The following RAPGEF4 variants were observed in gnomAD, a reference collection of about 807,000 sequenced individuals.
RAPGEF4 encodes Rap guanine nucleotide exchange factor 4, also known as RAP guanine-nucleotide-exchange factor (GEF) 4.
A neutral mutation model predicts 147.9 loss-of-function variants in RAPGEF4; 66 were observed. That is an observed-to-expected ratio of 0.45 (90% CI 0.37 to 0.55). RAPGEF4 has a LOEUF of 0.55. Among genes scored for constraint, RAPGEF4 ranks in the 20% least tolerant of loss-of-function variants. The pLI, the probability that RAPGEF4 is intolerant of heterozygous loss-of-function variation, is 0.00. For missense variants in RAPGEF4, 1,071 were observed against 1,257.3 expected (o/e 0.85, Z 2.24); for synonymous variants, 419 against 442.7 (o/e 0.95, Z 0.67).
chr2:172,972,373 G>A (rs773739560), intron 10 of RAPGEF4, among the ~76,000 whole-genome samples: 19 of 152,322 alleles, frequency 1.2e-4, no homozygotes, highest in Non-Finnish European at 2.1e-4. Flanking sequence ...ATTGGTGGTG[G>A]TTAGGGTTTT....
intron 6 of RAPGEF4, 28 bp from the exon 7 acceptor site, chr2:172,960,732 T>C (rs1386687017): frequency 2.2e-5 from 34 of 1,557,258 alleles, no homozygotes; most frequent in Non-Finnish European, 2.7e-5. Context: ...TGTTTAATTT[T>C]CTTTTGCTTT....
At chr2:173,026,261 A>G (rs1346743297) in intron 23 of RAPGEF4, among the ~76,000 whole-genome samples, 1 of 152,240 alleles carries the variant, frequency 6.6e-6, no homozygotes, top group African/African-American at 2.4e-5. Flanking sequence ...AGGGAAAAGA[A>G]GAGTTTCCAG....
intron 10 of RAPGEF4, among the ~76,000 whole-genome samples, chr2:172,968,863 T>A (rs1690152112): frequency 6.6e-6 from 1 of 152,156 alleles, no homozygotes; most frequent in South Asian, 2.1e-4. Context: ...TTAAGCCATG[T>A]TTTCTTTCTT....
At chr2:173,025,319 T>C (rs1489234841) in intron 23 of RAPGEF4, among the ~76,000 whole-genome samples, 1 of 152,232 alleles carries the variant, frequency 6.6e-6, no homozygotes, top group African/African-American at 2.4e-5. Flanking sequence ...GTGCCCAGAA[T>C]GCAGTGGGAG....
chr2:172,935,517 C>CA (rs917586843), intron 6 of RAPGEF4, among the ~76,000 whole-genome samples: 6 of 150,040 alleles, frequency 4.0e-5, no homozygotes, highest in Admixed American at 1.3e-4. Flanking sequence ...CGCTGACTGC[C>CA]AAAAAAAAAC....
At chr2:172,830,259 G>T (rs185926874) in intron 4 of RAPGEF4, among the ~76,000 whole-genome samples, 1 of 152,154 alleles carries the variant, frequency 6.6e-6, no homozygotes, top group East Asian at 1.9e-4. Context: ...TTGCAGTGAA[G>T]AAGAAATTAT....
chr2:172,754,346 T>A (rs1431707997), intron 1 of RAPGEF4, among the ~76,000 whole-genome samples: 3 of 152,222 alleles, frequency 2.0e-5, no homozygotes, highest in African/African-American at 7.2e-5. Context: ...CTAAGACATT[T>A]GAAAATGATT....
At chr2:173,036,337 C>A in intron 28 of RAPGEF4, 125 bp downstream of exon 28, 1 of 785,226 alleles carries the variant, frequency 1.3e-6, no homozygotes, top group Non-Finnish European at 2.1e-6. Context: ...CCTTCTTTGT[C>A]ATCTCCTCTC....
chr2:172,957,134 C>T (rs1364692135), intron 6 of RAPGEF4, among the ~76,000 whole-genome samples: 2 of 152,206 alleles, frequency 1.3e-5, no homozygotes, highest in Non-Finnish European at 2.9e-5. Flanking sequence ...TCTCCATAAA[C>T]AATGGGAGTC....
At chr2:172,884,017 A>C (rs981567486) in intron 4 of RAPGEF4, among the ~76,000 whole-genome samples, 11 of 152,186 alleles carry the variant, frequency 7.2e-5, no homozygotes, top group African/African-American at 2.4e-4. Flanking sequence ...GTATCACACC[A>C]ATTTTTGTCT....
In RAPGEF4 at chr2:173,020,511, G is replaced by A. The variant is rs1371555274; in HGVS notation, c.2156-107G>A. The A allele has an allele frequency of 7.9e-6, 7 of 884,076 alleles. No individual in the cohort carries two copies. The East Asian group carries it at 1.7e-4, about 22-fold the overall frequency. The allele number at this position is 884,076 out of a possible 1,614,324, so 54.8% of individuals were successfully genotyped here. A position where few individuals can be genotyped will look rare whatever the true frequency, so the allele number is the denominator to read the frequency against. ...GTACTCTATTTTATGCAGTCACTCT[G>A]CGTGTTCCGGTAATTCACCAAGCTG... On this transcript the variant is annotated intron_variant, in intron 22 of 30. Coordinates refer to ENST00000397081, the MANE Select transcript of RAPGEF4 (RefSeq NM_007023.4).
intron 8 of RAPGEF4, among the ~76,000 whole-genome samples, chr2:172,962,105 A>G (rs566164935): frequency 6.6e-6 from 1 of 152,282 alleles, no homozygotes; most frequent in South Asian, 2.1e-4. Flanking sequence ...CTAACTTTTG[A>G]TTTTCAGAAT....
At chr2:172,864,608 A>G (rs1317047638) in intron 4 of RAPGEF4, among the ~76,000 whole-genome samples, 1 of 152,174 alleles carries the variant, frequency 6.6e-6, no homozygotes, top group Admixed American at 6.5e-5. Context: ...TCATTCATTC[A>G]GTAAGGAGTT....
At chr2:172,781,506 G>GTA (rs1684677029) in intron 1 of RAPGEF4, among the ~76,000 whole-genome samples, 1 of 152,170 alleles carries the variant, frequency 6.6e-6, no homozygotes, top group Non-Finnish European at 1.5e-5. Flanking sequence ...CTGGCCTCAA[G>GTA]CGATCTTCCT....
chr2:172,753,916 A>G (rs929440958), intron 1 of RAPGEF4, among the ~76,000 whole-genome samples: 3 of 152,012 alleles, frequency 2.0e-5, no homozygotes, highest in Non-Finnish European at 1.5e-5. Flanking sequence ...CACACACCGC[A>G]CACATATACA....
intron 29 of RAPGEF4, 50 bp downstream of exon 29, chr2:173,036,742 T>C: frequency 7.1e-7 from 1 of 1,398,846 alleles, no homozygotes; most frequent in Non-Finnish European, 9.9e-7. Context: ...AAAATAAAAT[T>C]TGCATTTTTT....
At chr2:172,829,940 A>G (rs1377184363) in intron 4 of RAPGEF4, among the ~76,000 whole-genome samples, 1 of 151,744 alleles carries the variant, frequency 6.6e-6, no homozygotes, top group East Asian at 1.9e-4. Flanking sequence ...TGACATTTTT[A>G]TATGCGTGTG....
At chr2:172,937,798 G>A (rs1392630432) in intron 6 of RAPGEF4, among the ~76,000 whole-genome samples, 2 of 46,926 alleles carry the variant, frequency 4.3e-5, no homozygotes, top group African/African-American at 7.2e-5. Flanking sequence ...GGTTTATTCT[G>A]TCATTTTTTT....
At chr2:173,039,673 C>T (rs1684507105) in intron 29 of RAPGEF4, among the ~76,000 whole-genome samples, 1 of 152,118 alleles carries the variant, frequency 6.6e-6, no homozygotes, top group African/African-American at 2.4e-5. Flanking sequence ...CACCACTTGC[C>T]TCATATTTTG....
Sources: gnomAD v4.1 joint callset for allele counts (sites outside exome capture counted in the v4.1 genomes callset) on GRCh38, gnomAD v4.1.1 for gene constraint, MANE v1.5 for transcripts, NCBI Gene and HGNC (gene_info 2026-07-23, HGNC 2026-07-21) for gene names.